FHIP1A: variants seen among roughly 807,000 people sequenced by gnomAD.
FHIP1A encodes the protein FHF complex subunit HOOK-interacting protein 1A.
A neutral mutation model predicts 88.6 loss-of-function variants in FHIP1A; 61 were observed. That is an observed-to-expected ratio of 0.69 (90% CI 0.56 to 0.85). The LOEUF (loss-of-function observed/expected upper bound fraction) is 0.85. Ranked by LOEUF, FHIP1A falls within the 40% of genes least tolerant of loss-of-function variation. The probability of loss-of-function intolerance (pLI) is 0.00; values close to 1 mark genes in which losing one functional copy is unlikely to be tolerated. For missense variants in FHIP1A, 1,154 were observed against 1,273.5 expected (o/e 0.91, Z 1.43); for synonymous variants, 478 against 496.0 (o/e 0.96, Z 0.48).
chr4:151,590,172 G>C (rs1026815441), intron 7 of FHIP1A, among the ~76,000 whole-genome samples: 1 of 152,130 alleles, frequency 6.6e-6, no homozygotes, highest in African/African-American at 2.4e-5. Flanking sequence ...TTTCCTCTTC[G>C]GAGGAACACA....
intron 2 of FHIP1A, among the ~76,000 whole-genome samples, chr4:151,475,323 T>C (rs899770747): frequency 6.6e-6 from 1 of 152,218 alleles, no homozygotes; most frequent in African/African-American, 2.4e-5. Flanking sequence ...ACATTTTGTG[T>C]ATTTTCCACA....
In FHIP1A at chr4:151,482,538, C is replaced by T. The variant is rs911579888; in HGVS notation, c.-233C>T. ...CCTCTTCATAGATTTTTAAAGTCTTCTTCTAGGGGTTTCCAGCAGAGCCAA... is the reference window on the plus strand; with the variant it reads ...CCTCTTCATAGATTTTTAAAGTCTTTTTCTAGGGGTTTCCAGCAGAGCCAA... On this transcript the variant is annotated 5_prime_UTR_variant, in exon 3 of 14. Transcript: ENST00000435205. The T allele has an allele frequency of 6.6e-6, 1 of 151,856 alleles. No individual in the cohort carries two copies. The highest frequency in any genetic ancestry group is 1.5e-5 in the Non-Finnish European group (1 of 67,924). 9.4% of individuals were successfully genotyped at this position (151,856 alleles called of 1,614,324 possible). A position where few individuals can be genotyped will look rare whatever the true frequency, so the allele number is the denominator to read the frequency against.
At chr4:151,559,069 T>C (rs570802774) in intron 3 of FHIP1A, among the ~76,000 whole-genome samples, 1 of 152,346 alleles carries the variant, frequency 6.6e-6, no homozygotes, top group South Asian at 2.1e-4. Flanking sequence ...TTCCTTTATA[T>C]GTTTTCTGTT....
chr4:151,497,104 G>A (rs1265753368), intron 3 of FHIP1A, among the ~76,000 whole-genome samples: 1 of 152,120 alleles, frequency 6.6e-6, no homozygotes, highest in Non-Finnish European at 1.5e-5. Flanking sequence ...AAACATTTTA[G>A]AGTGGTTTTC....
At chr4:151,488,212 G>A (rs1317135766) in intron 3 of FHIP1A, among the ~76,000 whole-genome samples, 1 of 152,128 alleles carries the variant, frequency 6.6e-6, no homozygotes, top group Non-Finnish European at 1.5e-5. Context: ...CATATGTGCA[G>A]GTTTGTTATA....
intron 1 of FHIP1A, among the ~76,000 whole-genome samples, chr4:151,433,341 G>GGT (rs771800759): frequency 1.3e-4 from 19 of 151,460 alleles, no homozygotes; most frequent in Non-Finnish European, 2.4e-4. Flanking sequence ...TCCCTGTGGA[G>GGT]GTAGGAATAG....
intron 3 of FHIP1A, among the ~76,000 whole-genome samples, chr4:151,533,787 T>C (rs1335715827): frequency 6.6e-6 from 1 of 152,220 alleles, no homozygotes; most frequent in Non-Finnish European, 1.5e-5. Context: ...GTGCTGCACT[T>C]GTACTTTCAG....
In FHIP1A at chr4:151,624,753, C is replaced by T. The variant is rs112321114; in HGVS notation, c.979-4949C>T. The stretch of plus-strand genomic sequence containing the variant: ...ACCTCCATTCACCTCCCCAGCTGGC[C>T]TCTGGCGGTGCTAGCAGTGTAGCGT... On this transcript the variant is annotated intron_variant, in intron 7 of 13. Coordinates refer to ENST00000435205, the MANE Select transcript of FHIP1A (RefSeq NM_001109977.3). Among the ~76,000 whole-genome samples the T allele has an allele frequency of 7.9e-5, 12 of 152,254 alleles. 1 individual carries two copies. The highest frequency in any genetic ancestry group is 2.6e-4 in the African/African-American group (11 of 41,554).
intron 1 of FHIP1A, among the ~76,000 whole-genome samples, chr4:151,423,136 G>A (rs1232054406): frequency 6.6e-6 from 1 of 152,110 alleles, no homozygotes; most frequent in Admixed American, 6.6e-5. Context: ...ATCACTGCCA[G>A]GGGAGTTGTA....
intron 7 of FHIP1A, among the ~76,000 whole-genome samples, chr4:151,596,223 G>A (rs1465004598): frequency 6.6e-6 from 1 of 152,158 alleles, no homozygotes; most frequent in Non-Finnish European, 1.5e-5. Flanking sequence ...AGGCCTGGTG[G>A]TGACAAAATC....
intron 7 of FHIP1A, among the ~76,000 whole-genome samples, chr4:151,617,032 G>T (rs780512853): frequency 9.2e-5 from 14 of 152,188 alleles, no homozygotes; most frequent in Non-Finnish European, 1.6e-4. Context: ...ACAGGTGTAA[G>T]CCTCTGTGCC....
intron 7 of FHIP1A, among the ~76,000 whole-genome samples, chr4:151,620,503 CCCTT>C (rs1735696499): frequency 6.6e-6 from 1 of 152,144 alleles, no homozygotes; most frequent in African/African-American, 2.4e-5. Context: ...CTGATTCTGT[CCCTT>C]CTTCTAGTAT....
chr4:151,610,552 G>GCTCCTTCTAC (rs1735283466), intron 7 of FHIP1A, among the ~76,000 whole-genome samples: 1 of 152,154 alleles, frequency 6.6e-6, no homozygotes, highest in African/African-American at 2.4e-5. Flanking sequence ...TAATCCCAAA[G>GCTCCTTCTAC]CTCCTTCTAC....
At chr4:151,632,832 C>G (rs1320399019) in intron 8 of FHIP1A, among the ~76,000 whole-genome samples, 7 of 151,766 alleles carry the variant, frequency 4.6e-5, no homozygotes, top group Non-Finnish European at 1.0e-4. Context: ...GAAAGCAGTA[C>G]TAAGAGGGAA....
chr4:151,539,686 C>T (rs1044765079), intron 3 of FHIP1A, among the ~76,000 whole-genome samples: 1 of 151,990 alleles, frequency 6.6e-6, no homozygotes, highest in Non-Finnish European at 1.5e-5. Flanking sequence ...CCACTCCCTG[C>T]TGAGTGCCCT....
intron 7 of FHIP1A, among the ~76,000 whole-genome samples, chr4:151,616,322 G>A (rs1197226337): frequency 6.6e-6 from 1 of 152,070 alleles, no homozygotes; most frequent in East Asian, 1.9e-4. Context: ...CCAGAGAATA[G>A]GGTTTACTCC....
chr4:151,534,335 T>A (rs1040215861), intron 3 of FHIP1A, among the ~76,000 whole-genome samples: 6 of 152,228 alleles, frequency 3.9e-5, no homozygotes, highest in Non-Finnish European at 8.8e-5. Context: ...GGGAACCATT[T>A]AATATGTCCG....
intron 8 of FHIP1A, among the ~76,000 whole-genome samples, chr4:151,630,184 G>A (rs1225413743): frequency 6.6e-6 from 1 of 152,150 alleles, no homozygotes. Context: ...GGGGCAAGAT[G>A]CAAGGGAACA....
chr4:151,410,506 G>A (rs1178581718), intron 1 of FHIP1A, among the ~76,000 whole-genome samples: 3 of 152,220 alleles, frequency 2.0e-5, no homozygotes, highest in African/African-American at 7.2e-5. Context: ...ATAGGTCATT[G>A]AAAAATAATT....
Sources: allele counts gnomAD v4.1 joint callset (sites outside exome capture counted in the v4.1 genomes callset), GRCh38; gene constraint gnomAD v4.1.1; transcripts MANE v1.5; gene names NCBI Gene and HGNC (gene_info 2026-07-23, HGNC 2026-07-21).